OPLAH: variants seen among roughly 807,000 people sequenced by gnomAD.
OPLAH encodes 5-oxoprolinase, ATP-hydrolysing.
A neutral mutation model predicts 122.8 loss-of-function variants in OPLAH; 103 were observed. The ratio of observed to expected loss-of-function variants is 0.84; its 90% CI spans 0.71 to 0.99. The LOEUF (loss-of-function observed/expected upper bound fraction) is 0.99. Among genes scored for constraint, OPLAH ranks in the 50% least tolerant of loss-of-function variants. The pLI, the probability that OPLAH is intolerant of heterozygous loss-of-function variation, is 0.00. For synonymous variants in OPLAH, 875 were observed against 796.0 expected (o/e 1.10, Z -1.67); for missense variants, 1,902 against 1,836.5 (o/e 1.04, Z -0.65).
chr8:144,051,708 A>C lies in OPLAH; in HGVS notation c.3720+21T>G, dbSNP rs782790723. 1.2e-5 allele frequency: 18 copies of C among 1,557,342 alleles called. No individual in the cohort carries two copies. In the East Asian group the frequency reaches 3.2e-4, roughly 28 times the overall value. On this transcript the variant is annotated intron_variant, in intron 26 of 26. Coordinates refer to ENST00000618853, the MANE Select transcript of OPLAH (RefSeq NM_017570.5). ...GGAGGGGAGGGGAGGGGAGGGGGAC[A>C]GGACAGGCCGCGGCCCTTACCCCGG...
chr8:144,059,326 G>T (rs782522235), intron 3 of OPLAH, among the ~76,000 whole-genome samples: 6 of 152,214 alleles, frequency 3.9e-5, no homozygotes, highest in Admixed American at 6.5e-5. Context: ...CAGTAGGTGC[G>T]GGGTTCCACC....
In OPLAH at chr8:144,057,676, C is replaced by A. The variant is rs1306441098; in HGVS notation, c.1194G>T (p.Leu398=). ...PVTVTDANLV[L]GRLLPASFPC... ...GGAAGGAGGCAGGCAGCAGGCGACC[C>A]AGGACCAGATTAGCATCCGTCACTG... The change falls in exon 10 of 27, where the codon CTG becomes CTT. Residue 398 remains leucine (L), a synonymous_variant. Transcript: ENST00000618853. The A allele has an allele frequency of 1.2e-6, 2 of 1,609,006 alleles. No individual in the cohort carries two copies. The highest frequency in any genetic ancestry group is 4.5e-5 in the East Asian group (2 of 44,800).
downstream of OPLAH, chr8:144,051,174 C>G (rs11989295): frequency 0.033 from 47,066 of 1,433,128 alleles, 9,408 homozygotes; most frequent in African/African-American, 0.51. Flanking sequence ...CCGGGCAGTG[C>G]GCCTGCAGCT....
In OPLAH at chr8:144,059,759, G is replaced by C. The variant is rs540750311; in HGVS notation, c.203C>G (p.Pro68Arg). The change falls in exon 3 of 27, where the codon CCG (proline) becomes CGG (arginine). Residue 68 changes from proline (P) to arginine (R), a missense_variant. Transcript: ENST00000618853. ...GCTGGCGATATGACTGGAGTCCAGCGGCTGGTCCCGGGGCAGGAGCATGCC... is the reference window on the plus strand; with the variant it reads ...GCTGGCGATATGACTGGAGTCCAGCCGCTGGTCCCGGGGCAGGAGCATGCC... ...EAGMLLPRDQ[P>R]LDSSHIASIR... The C allele has an allele frequency of 2.5e-6, 4 of 1,609,418 alleles. No homozygotes were observed. The highest frequency in any genetic ancestry group is 2.7e-5 in the African/African-American group (2 of 75,050).
chr8:144,054,988 T>TG, intron 17 of OPLAH, 41 bp downstream of exon 17: 2 of 348,864 alleles, frequency 5.7e-6, no homozygotes, highest in Non-Finnish European at 8.1e-6. Context: ...GGGTGGAGGG[T>TG]GAGGGAGGGG....
In OPLAH at chr8:144,051,270, C is replaced by T; in HGVS notation, c.*56G>A. 9 of 1,601,528 alleles carry T rather than the reference C, an allele frequency of 5.6e-6. No homozygotes were observed. Among genetic ancestry groups the T allele is most frequent in the Non-Finnish European group, 7.7e-6 (9 of 1,175,558 alleles). On this transcript the variant is annotated 3_prime_UTR_variant, in exon 27 of 27. Transcript: ENST00000618853. ...GACACGACTCGGAGCACGAACTAGG[C>T]GCCGTAGCTGCGTCCCCAGAACCGG...
upstream of OPLAH, among the ~76,000 whole-genome samples, chr8:144,061,294 C>A (rs1835658634): frequency 1.3e-5 from 2 of 152,228 alleles, no homozygotes; most frequent in Non-Finnish European, 2.9e-5. Flanking sequence ...CAGCACAACA[C>A]ACAGGTCATA....
Position 144,052,778 on chromosome 8 carries a change from G to C in OPLAH, c.3141C>G (p.Ile1047Met), listed in dbSNP as rs1341716310. 6.4e-7 allele frequency: 1 copy of C among 1,566,188 alleles called. No individual in the cohort carries two copies. The highest frequency in any genetic ancestry group is 1.4e-5 in the African/African-American group (1 of 73,582). Residue 1047 changes from isoleucine to methionine, a missense_variant, in exon 22 of 27, where the codon ATC (isoleucine) becomes ATG (methionine). Transcript: ENST00000618853. Reference protein sequence around the residue: ...YCLRCLVGRDIPLNQGCLAPV... With the variant: ...YCLRCLVGRDMPLNQGCLAPV... ...CACCCCTGCGAACCTGGTTGAGTGGGATGTCGCGGCCCACCAGACAGCGCA... is the reference window on the plus strand; with the variant it reads ...CACCCCTGCGAACCTGGTTGAGTGGCATGTCGCGGCCCACCAGACAGCGCA...
In OPLAH at chr8:144,060,037, G is replaced by C; in HGVS notation, c.-5C>G. 1 of 1,610,620 alleles carries C rather than the reference G, an allele frequency of 6.2e-7. No homozygotes were observed. The highest frequency in any genetic ancestry group is 1.1e-5 in the South Asian group (1 of 90,886). ...GCGGCCCTCGGGGCTGCCCATGGTG[G>C]TGGGGCTGGAGTCCCACAGGAGCTC... is the stretch of plus-strand genomic sequence containing the variant. On this transcript the variant is annotated 5_prime_UTR_variant, in exon 2 of 27. Transcript: ENST00000618853.
At chr8:144,051,867 G>A (rs1835385624) in intron 25 of OPLAH, 41 bp from the exon 26 acceptor site, 1 of 1,475,992 alleles carries the variant, frequency 6.8e-7, no homozygotes. Flanking sequence ...CCAGGGGCGG[G>A]GGTGGGGGCG....
chr8:144,059,477 C>A lies in OPLAH; in HGVS notation c.363+122G>T. 3.7e-6 allele frequency: 4 copies of A among 1,073,988 alleles called. No homozygotes were observed. The South Asian group carries it at 6.6e-5, about 18-fold the overall frequency. The allele number at this position is 1,073,988 out of a possible 1,614,324, so 66.5% of individuals were successfully genotyped here. A position where few individuals can be genotyped will look rare whatever the true frequency, so the allele number is the denominator to read the frequency against. ...GGTCCCACTGGGAATTCGGGAGCTT[C>A]CTCTTTGTCGGCTGGTGCCCATGAG... On this transcript the variant is annotated intron_variant, in intron 3 of 26. Transcript: ENST00000618853.
In OPLAH at chr8:144,058,765, T is replaced by G. The variant is rs1200696153; in HGVS notation, c.587+8A>C. 6.3e-7 allele frequency: 1 copy of G among 1,591,646 alleles called. No individual in the cohort carries two copies. The highest frequency in any genetic ancestry group is 1.7e-5 in the Admixed American group (1 of 58,768). On this transcript the variant is annotated splice_region_variant and intron_variant, in intron 5 of 26. Coordinates refer to ENST00000618853, the MANE Select transcript of OPLAH (RefSeq NM_017570.5). ...TGCTCCCGCAGCCCACAGCCCCACC[T>G]CACTCACGTGTACGAGTGCATGAGC...
chr8:144,056,465 G>A lies in OPLAH; in HGVS notation c.1903C>T (p.Arg635Ter), dbSNP rs782043072. The A allele has an allele frequency of 1.7e-5, 28 of 1,611,150 alleles. No homozygotes were observed. The highest frequency in any genetic ancestry group is 2.2e-5 in the East Asian group (1 of 44,826). ...CCACTGCGGCCGGTGCCCCGCACTC[G>A]CACATCGTCCACGACCACCGGCCGC... ...PERPVVVDDVRVRGTGRSGLR... is the reference protein window; with the variant it reads ...PERPVVVDDV Residue 635 changes from arginine (R) to a stop codon, truncating the protein, a stop_gained, in exon 14 of 27, where the codon CGA becomes TGA. Coordinates refer to ENST00000618853, the MANE Select transcript of OPLAH (RefSeq NM_017570.5). LOFTEE classifies it high-confidence loss of function.
chr8:144,055,845 G>C lies in OPLAH; in HGVS notation c.2191C>G (p.Pro731Ala). ...VGAEVPGTVG[P>A]QLDPIQLSIF... is the part of the protein sequence containing the mutation. ...GACAGCTGGATAGGGTCCAGCTGGG[G>C]GCCCACTGTGCCGGGGACTTCGGCC... Residue 731 changes from proline to alanine, a missense_variant, in exon 16 of 27, where the codon CCC (proline) becomes GCC (alanine). By Grantham distance (27) the Pro-to-Ala change is conservative. Transcript: ENST00000618853. The surrounding 1 kb of genome is among the most constrained non-coding windows in gnomAD (Gnocchi z 6.5). 6.3e-7 allele frequency: 1 copy of C among 1,575,640 alleles called. No homozygotes were observed. Among genetic ancestry groups the C allele is most frequent in the Non-Finnish European group, 8.6e-7 (1 of 1,161,360 alleles).
chr8:144,059,762 T>A lies in OPLAH; in HGVS notation c.200A>T (p.Gln67Leu). The change falls in exon 3 of 27, where the codon CAG (glutamine) becomes CTG (leucine). Residue 67 changes from glutamine to leucine, a missense_variant. Physicochemically the swap from Gln to Leu is moderately radical, Grantham distance 113. Coordinates refer to ENST00000618853, the MANE Select transcript of OPLAH (RefSeq NM_017570.5). ...QEAGMLLPRD[Q>L]PLDSSHIASI... is the part of the protein sequence containing the mutation. ...GGCGATATGACTGGAGTCCAGCGGC[T>A]GGTCCCGGGGCAGGAGCATGCCGGC... The A allele has an allele frequency of 6.2e-7, 1 of 1,609,430 alleles. No homozygotes were observed. Among genetic ancestry groups the A allele is most frequent in the Non-Finnish European group, 8.5e-7 (1 of 1,179,248 alleles).
rs1554759474 is a variant in OPLAH, at chr8:144,057,210, G to C, written c.1533C>G (p.His511Gln). 1.2e-6 allele frequency: 2 copies of C among 1,611,330 alleles called. No homozygotes were observed. Among genetic ancestry groups the C allele is most frequent in the South Asian group, 2.2e-5 (2 of 90,782 alleles). The change falls in exon 11 of 27, where the codon CAC becomes CAG. Residue 511 changes from histidine (H) to glutamine (Q), a missense_variant and splice_region_variant. By Grantham distance (24) the His-to-Gln change is conservative (BLOSUM62 0). This residue lies in a region of OPLAH where 1,726 missense variants were observed against 1,642.1 expected (regional missense o/e 1.05). Transcript: ENST00000618853. Reference sequence around the variant, plus strand: ...CGTGCACCCACACCCAGGCCCACCTGTGGATGTGCACCGTGTCCATGCCCA... The same window carrying C: ...CGTGCACCCACACCCAGGCCCACCTCTGGATGTGCACCGTGTCCATGCCCA... ...RALGMDTVHI[H>Q]RHSGLLSALG... is the part of the protein sequence containing the mutation.
chr8:144,051,370 G>A lies in OPLAH; in HGVS notation c.3823C>T (p.His1275Tyr). 3.7e-6 allele frequency: 6 copies of A among 1,608,530 alleles called. No individual in the cohort carries two copies. The highest frequency in any genetic ancestry group is 5.1e-6 in the Non-Finnish European group (6 of 1,178,048). The change falls in exon 27 of 27, where the codon CAC becomes TAC. Residue 1275 changes from histidine (H) to tyrosine (Y), a missense_variant. His to Tyr is a moderately conservative substitution (Grantham distance 83). Transcript: ENST00000618853. Reference protein sequence around the residue: ...SPPQALAFPEHGSVYEYRRAQ... With the variant: ...SPPQALAFPEYGSVYEYRRAQ... ...CGGCGATACTCATAGACGCTGCCGT[G>A]CTCGGGAAAGGCCAGTGCTTGCGGG... is the stretch of plus-strand genomic sequence containing the variant.
Position 144,059,980 on chromosome 8 carries a change from A to G in OPLAH, c.53T>C (p.Phe18Ser). ...FHFAIDRGGT[F>S]TDVFAQCPGG... ...TGGGCACTGGGCAAAGACGTCTGTG[A>G]AGGTACCCCCACGGTCGATGGCAAA... The change falls in exon 2 of 27, where the codon TTC (phenylalanine) becomes TCC (serine). Residue 18 changes from phenylalanine to serine, a missense_variant. Phe to Ser is a radical substitution (Grantham distance 155, BLOSUM62 -2). Around this residue, in one of 3 missense-constraint regions of OPLAH, gnomAD observed 168 missense variants for 170.6 expected, o/e 0.98. Transcript: ENST00000618853. 1 of 1,612,732 alleles carries G rather than the reference A, an allele frequency of 6.2e-7. No individual in the cohort carries two copies. Among genetic ancestry groups the G allele is most frequent in the Non-Finnish European group, 8.5e-7 (1 of 1,179,808 alleles).
upstream of OPLAH, chr8:144,063,858 C>T (rs1172412077): frequency 6.6e-6 from 1 of 152,424 alleles, no homozygotes; most frequent in Non-Finnish European, 1.5e-5. The surrounding 1 kb of genome is among the most constrained non-coding windows in gnomAD (Gnocchi z 4.2). Context: ...CTGCACCAGC[C>T]GCCGCAGCTC....
Sources: gnomAD v4.1 joint callset for allele counts (sites outside exome capture counted in the v4.1 genomes callset) on GRCh38, gnomAD v4.1.1 for gene constraint, gnomAD v4.1.1 regional missense constraint, Gnocchi (gnomAD v3.1) non-coding constraint, MANE v1.5 for transcripts, NCBI Gene and HGNC (gene_info 2026-07-23, HGNC 2026-07-21) for gene names.